The following VRK2 variants were observed in gnomAD, a reference collection of about 807,000 sequenced individuals.
VRK2 encodes the protein VRK serine/threonine kinase 2, also known as serine/threonine-protein kinase VRK2.
In VRK2, 60 loss-of-function variants were observed where a neutral mutation model predicts 57.6. That is an observed-to-expected ratio of 1.04 (90% CI 0.85 to 1.29). VRK2 has a LOEUF of 1.29. Among genes scored for constraint, VRK2 ranks in the 50% most tolerant of loss-of-function variants. VRK2 has a pLI of 0.00. For missense variants in VRK2, 705 were observed against 588.1 expected, an observed-to-expected ratio of 1.20 and a Z score of -2.06; for synonymous variants, 231 against 199.2, an observed-to-expected ratio of 1.16 and a Z score of -1.35.
chr2:57,982,637 G>A (rs1052718786), intron 1 of VRK2, among the ~76,000 whole-genome samples: 4 of 152,170 alleles, frequency 2.6e-5, no homozygotes, highest in Non-Finnish European at 5.9e-5. Context: ...GCAAGCTGAG[G>A]CTGCCCTGCA....
intron 1 of VRK2, among the ~76,000 whole-genome samples, chr2:57,959,522 T>C (rs921765609): frequency 6.6e-6 from 1 of 152,182 alleles, no homozygotes; most frequent in African/African-American, 2.4e-5. Context: ...CGAAGCTCCC[T>C]TGGAAAGCTC....
intron 1 of VRK2, among the ~76,000 whole-genome samples, chr2:57,987,260 T>A (rs1218712527): frequency 1.3e-5 from 2 of 152,112 alleles, no homozygotes; most frequent in East Asian, 3.8e-4. Context: ...AAATTATGTA[T>A]CTGATAAAGG....
intron 2 of VRK2, among the ~76,000 whole-genome samples, chr2:58,077,731 T>C (rs1305179051): frequency 6.6e-6 from 1 of 152,066 alleles, no homozygotes; most frequent in Non-Finnish European, 1.5e-5. Context: ...CTTCTTCCTA[T>C]TGAAAAATAA....
intron 1 of VRK2, among the ~76,000 whole-genome samples, chr2:57,919,735 C>T (rs554545186): frequency 6.6e-6 from 1 of 152,170 alleles, no homozygotes; most frequent in African/African-American, 2.4e-5. Flanking sequence ...CTAGGGGCTA[C>T]AGAGTCAAAT....
At chr2:58,034,336 C>A (rs1246238341) in intron 3 of VRK2, among the ~76,000 whole-genome samples, 1 of 151,934 alleles carries the variant, frequency 6.6e-6, no homozygotes, top group East Asian at 1.9e-4. Flanking sequence ...GTCCTTTTCT[C>A]CATGAAATGT....
chr2:58,056,991 G>T (rs566728558), intron 2 of VRK2, among the ~76,000 whole-genome samples: 1 of 152,212 alleles, frequency 6.6e-6, no homozygotes, highest in Non-Finnish European at 1.5e-5. Flanking sequence ...CTCTTTCTTT[G>T]TTCCGATGGT....
At chr2:58,157,785 G>T (rs1684170771) in intron 12 of VRK2, among the ~76,000 whole-genome samples, 1 of 152,180 alleles carries the variant, frequency 6.6e-6, no homozygotes, top group Non-Finnish European at 1.5e-5. Flanking sequence ...AATATTTTCA[G>T]TTTACTTTCC....
rs149345804 is a variant in VRK2 at position 57,924,268 on chromosome 2, G to A, written c.-439+16429G>A. ...TTTCTATTTTGTGAAGAAAGTCATC[G>A]GTATTTTGATAGGGACTGCATTGAA... On this transcript the variant is annotated intron_variant, in intron 1 of 15. Coordinates refer to the VRK2 transcript ENST00000417641. Among the ~76,000 whole-genome samples, 626 of 152,074 alleles carry A rather than the reference G, an allele frequency of 4.1e-3. 1 individual carries two copies. Among genetic ancestry groups the A allele is most frequent in the Non-Finnish European group, 7.2e-3 (490 of 67,896 alleles).
At chr2:58,041,197 T>C (rs1272432255) in intron 3 of VRK2, 1 of 332,750 alleles carries the variant, frequency 3.0e-6, no homozygotes, top group Non-Finnish European at 4.3e-6. Flanking sequence ...GTTTACTACA[T>C]TCAATTGTTT....
chr2:57,992,173 A>G lies in VRK2; in HGVS notation c.-438-33492A>G, dbSNP rs531199559. ...TTAGGGTGGCAATAATTAGTAGTTA[A>G]GTAAAAGTTTATGAAGAGAAGATAT... On this transcript the variant is annotated intron_variant, in intron 1 of 15. Coordinates refer to the VRK2 transcript ENST00000417641. 8.5e-5 allele frequency among the ~76,000 whole-genome samples: 13 copies of G among 152,310 alleles called. No homozygotes were observed. In the South Asian group the frequency reaches 2.7e-3, roughly 32 times the overall value.
Position 58,159,554 on chromosome 2 carries a change from A to C in VRK2, c.1388A>C (p.Asp463Ala), listed in dbSNP as rs149451697. Residue 463 changes from aspartate to alanine, a missense_variant, in exon 13 of 13, where the codon GAC (aspartate) becomes GCC (alanine). Asp to Ala is a moderately radical substitution (Grantham distance 126, BLOSUM62 -2). Transcript: ENST00000340157. ...YTSTVSTGIT[D>A]LESSTGLWPT... is the part of the protein sequence containing the mutation. ...TCCACAGTCAGCACGGGGATCACAG[A>C]CTTAGAAAGTTCAACTGGACTTTGG... The C allele has an allele frequency of 2.4e-5, 38 of 1,613,818 alleles. 1 individual carries two copies. In the African/African-American group the frequency reaches 4.9e-4, roughly 21 times the overall value.
intron 3 of VRK2, among the ~76,000 whole-genome samples, chr2:58,036,700 C>G (rs756753336): frequency 6.6e-6 from 1 of 151,914 alleles, no homozygotes; most frequent in Non-Finnish European, 1.5e-5. Context: ...TCATATATAT[C>G]ACGCTATATT....
At chr2:57,942,154 A>C (rs530654756) in intron 1 of VRK2, among the ~76,000 whole-genome samples, 1 of 152,336 alleles carries the variant, frequency 6.6e-6, no homozygotes, top group South Asian at 2.1e-4. Context: ...GGGGAAGAAA[A>C]ATAAGATTCC....
intron 2 of VRK2, among the ~76,000 whole-genome samples, chr2:58,081,588 A>G (rs1250015955): frequency 6.6e-6 from 1 of 151,808 alleles, no homozygotes. Context: ...TACCCTTAAA[A>G]TTTCAAGGTA....
At chr2:57,910,860 CT>C (rs1669965797) in intron 1 of VRK2, among the ~76,000 whole-genome samples, 1 of 152,144 alleles carries the variant, frequency 6.6e-6, no homozygotes, top group Non-Finnish European at 1.5e-5. Flanking sequence ...ACCTAAAGGA[CT>C]AACCAATGTT....
intron 7 of VRK2, among the ~76,000 whole-genome samples, chr2:58,120,325 G>A (rs1022286982): frequency 4.6e-5 from 7 of 150,962 alleles, no homozygotes; most frequent in African/African-American, 1.2e-4. Context: ...TGAGTAGCTC[G>A]GATTACAAAT....
chr2:57,933,316 T>C (rs1246091372), intron 1 of VRK2, among the ~76,000 whole-genome samples: 16 of 131,362 alleles, frequency 1.2e-4, no homozygotes, highest in Non-Finnish European at 1.9e-4. Context: ...TTTCTTTTTT[T>C]TTTTTTTTTT....
intron 1 of VRK2, among the ~76,000 whole-genome samples, chr2:57,915,781 C>T (rs1405742320): frequency 6.6e-6 from 1 of 152,158 alleles, no homozygotes; most frequent in African/African-American, 2.4e-5. Context: ...TGTTAGGAAC[C>T]AGGAAACACA....
At chr2:58,058,182 A>G (rs566153868) in intron 2 of VRK2, among the ~76,000 whole-genome samples, 1 of 152,258 alleles carries the variant, frequency 6.6e-6, no homozygotes, top group African/African-American at 2.4e-5. Context: ...AAAGATTCAG[A>G]GTATATTCAT....
Sources: gnomAD v4.1 joint callset for allele counts (sites outside exome capture counted in the v4.1 genomes callset) on GRCh38, gnomAD v4.1.1 for gene constraint, MANE v1.5 for transcripts, NCBI Gene and HGNC (gene_info 2026-07-23, HGNC 2026-07-21) for gene names.